The following PRKD2 variants were observed in gnomAD, a reference collection of about 807,000 sequenced individuals.
PRKD2 encodes the protein protein kinase D2.
In PRKD2, 22 loss-of-function variants were observed where a neutral mutation model predicts 86.0. That is an observed-to-expected ratio of 0.26 (90% CI 0.18 to 0.37). The LOEUF is 0.37. Among genes scored for constraint, PRKD2 ranks in the 10% least tolerant of loss-of-function variants. The pLI is 1.00. For synonymous variants in PRKD2, 509 were observed against 510.9 expected (o/e 1.00, Z 0.05); for missense variants, 818 against 1,199.2 (o/e 0.68, Z 4.70).
At chr19:46,694,316 C>T (rs1397603001) in intron 9 of PRKD2, among the ~76,000 whole-genome samples, 183 bp from the exon 10 acceptor site, 1 of 152,220 alleles carries the variant, frequency 6.6e-6, no homozygotes, top group Non-Finnish European at 1.5e-5. Flanking sequence ...TGGCAGAGGC[C>T]AGGTGCGGTG....
At chr19:46,684,619 C>T (rs765183106) in intron 14 of PRKD2, among the ~76,000 whole-genome samples, 3 of 152,156 alleles carry the variant, frequency 2.0e-5, no homozygotes, top group East Asian at 1.9e-4. Flanking sequence ...CACCTCGCCC[C>T]GCCCATTTCC....
chr19:46,694,589 C>T (rs2053530514), intron 9 of PRKD2, among the ~76,000 whole-genome samples: 1 of 151,870 alleles, frequency 6.6e-6, no homozygotes. Context: ...AGTGAGATTC[C>T]GTCTCAAAAA....
At chr19:46,684,880 T>C (rs1182337437) in intron 14 of PRKD2, among the ~76,000 whole-genome samples, 1 of 151,776 alleles carries the variant, frequency 6.6e-6, no homozygotes, top group Non-Finnish European at 1.5e-5. Flanking sequence ...GGAGAATCAT[T>C]TGAACCTGGG....
At chr19:46,691,859 G>A in intron 11 of PRKD2, 52 bp from the exon 12 acceptor site, 1 of 1,611,550 alleles carries the variant, frequency 6.2e-7, no homozygotes, top group East Asian at 2.2e-5. Context: ...ATGGGGAAGG[G>A]GGAGTCAAGG....
At chr19:46,696,492 G>A (rs1158430379) in intron 9 of PRKD2, among the ~76,000 whole-genome samples, 2 of 152,130 alleles carry the variant, frequency 1.3e-5, no homozygotes, top group East Asian at 3.9e-4. Context: ...GGGTGCGGTG[G>A]CTCATGCCTG....
At chr19:46,706,074 A>G (rs993174909) in intron 3 of PRKD2, among the ~76,000 whole-genome samples, 3 of 152,068 alleles carry the variant, frequency 2.0e-5, no homozygotes, top group African/African-American at 7.2e-5. Flanking sequence ...TACATTGCCC[A>G]GGCTGGTCTT....
rs1350068724 is a variant in PRKD2 at position 46,714,154 on chromosome 19, C to A, written c.241-153G>T. On this transcript the variant is annotated intron_variant, in intron 1 of 17. Coordinates refer to ENST00000291281, the MANE Select transcript of PRKD2 (RefSeq NM_016457.5). Reference sequence around the variant, plus strand: ...GCTTCCTGCCTGCCCCCTCCCAACCCCAGCGCGAGCCGGGCAGGATGCCAG... The same window carrying A: ...GCTTCCTGCCTGCCCCCTCCCAACCACAGCGCGAGCCGGGCAGGATGCCAG... The A allele has an allele frequency of 3.0e-6, 4 of 1,346,244 alleles. No individual in the cohort carries two copies. In the African/African-American group the frequency reaches 5.9e-5, roughly 20 times the overall value. 83.4% of individuals were successfully genotyped at this position (1,346,244 alleles called of 1,614,324 possible).
At chr19:46,694,348 A>C (rs1430253125) in intron 9 of PRKD2, among the ~76,000 whole-genome samples, 1 of 152,060 alleles carries the variant, frequency 6.6e-6, no homozygotes, top group Non-Finnish European at 1.5e-5. Flanking sequence ...TAATCCCAAC[A>C]CTTTGGAAGG....
At chr19:46,681,583 T>TACCCCCC in intron 15 of PRKD2, 67 bp downstream of exon 15, 1 of 671,506 alleles carries the variant, frequency 1.5e-6, no homozygotes, top group Non-Finnish European at 2.6e-6. Context: ...ATAATCCCCT[T>TACCCCCC]CCCCACCCCC....
intron 7 of PRKD2, among the ~76,000 whole-genome samples, chr19:46,700,516 C>T (rs1014428205): frequency 3.9e-5 from 6 of 152,030 alleles, no homozygotes; most frequent in Admixed American, 2.6e-4. Flanking sequence ...CCTGTGGTCC[C>T]AGCTACTCGA....
intron 9 of PRKD2, among the ~76,000 whole-genome samples, chr19:46,695,763 T>C (rs1030844805): frequency 5.9e-5 from 9 of 152,054 alleles, no homozygotes; most frequent in Non-Finnish European, 2.9e-5. Context: ...AAAGAATGAA[T>C]GACTTAGGCA....
rs376849889 is a variant in PRKD2, at chr19:46,704,152, C to T, written c.889+17G>A. ...AGGTTCTGACCCTGTCTGTCCTCCC[C>T]GACAGGCCCAGCTAACCTTTGCATT... On this transcript the variant is annotated intron_variant, in intron 5 of 17. Coordinates refer to ENST00000291281, the MANE Select transcript of PRKD2 (RefSeq NM_016457.5). The T allele has an allele frequency of 1.6e-5, 26 of 1,612,904 alleles. No individual in the cohort carries two copies. Among genetic ancestry groups the T allele is most frequent in the East Asian group, 2.2e-5 (1 of 44,894 alleles).
At chr19:46,688,269 C>T (rs965343379) in intron 14 of PRKD2, among the ~76,000 whole-genome samples, 2 of 151,886 alleles carry the variant, frequency 1.3e-5, no homozygotes, top group Non-Finnish European at 2.9e-5. Flanking sequence ...TCCTGAGTAG[C>T]TGGGATTACA....
chr19:46,691,811 C>T lies in PRKD2; in HGVS notation c.1630-4G>A. The T allele has an allele frequency of 6.2e-7, 1 of 1,614,048 alleles. No individual in the cohort carries two copies. The highest frequency in any genetic ancestry group is 8.5e-7 in the Non-Finnish European group (1 of 1,180,030). ...TCTGGTAGACAGTGGCAATGTCCTA[C>T]AGGGTGAAGACAGGGCAGGTCAGGG... On this transcript the variant is annotated splice_region_variant and splice_polypyrimidine_tract_variant and intron_variant, in intron 11 of 17. Coordinates refer to ENST00000291281, the MANE Select transcript of PRKD2 (RefSeq NM_016457.5).
chr19:46,692,910 T>C (rs2053503628), intron 10 of PRKD2, among the ~76,000 whole-genome samples: 1 of 152,190 alleles, frequency 6.6e-6, no homozygotes, highest in Non-Finnish European at 1.5e-5. Context: ...GTTGGATTAC[T>C]CTCGCAAATG....
At chr19:46,675,373 C>A (rs1568710001) in intron 16 of PRKD2, among the ~76,000 whole-genome samples, 1 of 152,194 alleles carries the variant, frequency 6.6e-6, no homozygotes. Flanking sequence ...CCCCATTCCC[C>A]TATGTCACCT....
Position 46,691,776 on chromosome 19 carries a change from T to C in PRKD2, c.1661A>G (p.Asp554Gly). 1 of 1,613,464 alleles carries C rather than the reference T, an allele frequency of 6.2e-7. No homozygotes were observed. Among genetic ancestry groups the C allele is most frequent in the Non-Finnish European group, 8.5e-7 (1 of 1,180,018 alleles). Residue 554 changes from aspartate (D) to glycine (G), a missense_variant, in exon 12 of 18, where the codon GAC (aspartate) becomes GGC (glycine). Coordinates refer to ENST00000291281, the MANE Select transcript of PRKD2 (RefSeq NM_016457.5). The stretch of plus-strand genomic sequence containing the variant: ...AAACTGCCCTGAGCCCAGCACTTCG[T>C]CAGGGAAGATCTGGTAGACAGTGGC... ...DIATVYQIFPDEVLGSGQFGV... is the reference protein window; with the variant it reads ...DIATVYQIFPGEVLGSGQFGV...
intron 7 of PRKD2, among the ~76,000 whole-genome samples, chr19:46,698,842 C>T (rs1295587818): frequency 6.6e-6 from 1 of 152,180 alleles, no homozygotes; most frequent in Non-Finnish European, 1.5e-5. Flanking sequence ...TGGCCTTGAT[C>T]ACATCTCTTT....
chr19:46,683,999 G>C (rs2053355635), intron 14 of PRKD2, among the ~76,000 whole-genome samples: 1 of 140,962 alleles, frequency 7.1e-6, no homozygotes, highest in South Asian at 2.4e-4. Flanking sequence ...TTGATTCTCT[G>C]TAACTCAAAA....
Sources: allele counts gnomAD v4.1 joint callset (sites outside exome capture counted in the v4.1 genomes callset), GRCh38; gene constraint gnomAD v4.1.1; transcripts MANE v1.5; gene names NCBI Gene and HGNC (gene_info 2026-07-23, HGNC 2026-07-21).